Variants in NPC2 observed in about 807,000 individuals in gnomAD.
The protein encoded by NPC2 is Niemann-Pick disease type C2 protein.
Under a neutral mutation model 17.0 loss-of-function variants are expected in NPC2, and 14 were observed. That is an observed-to-expected ratio of 0.82 (90% CI 0.54 to 1.29). The LOEUF (loss-of-function observed/expected upper bound fraction) is 1.29, where lower values mean the gene tolerates loss of function less well. Among genes scored for constraint, NPC2 ranks in the 50% most tolerant of loss-of-function variants. The probability of loss-of-function intolerance (pLI) is 0.00; values close to 1 mark genes in which losing one functional copy is unlikely to be tolerated. For missense variants in NPC2, 167 were observed against 183.4 expected, an observed-to-expected ratio of 0.91 and a Z score of 0.52; for synonymous variants, 75 against 69.3, an observed-to-expected ratio of 1.08 and a Z score of -0.41.
In NPC2 at chr14:74,480,000, G is replaced by C. The variant is rs1412571378; in HGVS notation, c.*274C>G. The C allele has an allele frequency of 7.1e-7, 1 of 1,411,812 alleles. No homozygotes were observed. Among genetic ancestry groups the C allele is most frequent in the Non-Finnish European group, 9.2e-7 (1 of 1,083,884 alleles). The allele number at this position is 1,411,812 out of a possible 1,614,324, so 87.5% of individuals were successfully genotyped here. On this transcript the variant is annotated 3_prime_UTR_variant, in exon 5 of 5. Coordinates refer to ENST00000555619, the MANE Select transcript of NPC2 (RefSeq NM_006432.5). ...AAGAGTAAATTTCCAGGTGTAGAAAGAGGCCACAAGTTAATGTTGTTAAAA... is the reference window on the plus strand; with the variant it reads ...AAGAGTAAATTTCCAGGTGTAGAAACAGGCCACAAGTTAATGTTGTTAAAA...
chr14:74,482,991 C>A, intron 3 of NPC2: 1 of 774,050 alleles, frequency 1.3e-6, no homozygotes, highest in South Asian at 1.4e-5. Flanking sequence ...AGCTAGTGGT[C>A]CTTGGTTCAG....
intron 1 of NPC2, among the ~76,000 whole-genome samples, chr14:74,489,263 T>G (rs147874233): frequency 2.0e-5 from 3 of 152,204 alleles, no homozygotes; most frequent in Non-Finnish European, 4.4e-5. Flanking sequence ...TAGGTCTATA[T>G]AGCTGCTGGG....
rs1410533543 is a variant in NPC2, at chr14:74,480,151, T to C, written c.*123A>G. 2 of 1,601,760 alleles carry C rather than the reference T, an allele frequency of 1.2e-6. No homozygotes were observed. The highest frequency in any genetic ancestry group is 1.3e-5 in the African/African-American group (1 of 74,596). ...TCAGTTTCTGCTACAGAGCACCTCC[T>C]CTTCAACGAATCACTGGATACCATT... is the stretch of plus-strand genomic sequence containing the variant. On this transcript the variant is annotated 3_prime_UTR_variant, in exon 5 of 5. Transcript: ENST00000555619.
intron 1 of NPC2, among the ~76,000 whole-genome samples, chr14:74,487,263 G>GTT (rs1208707592): frequency 0.014 from 1,937 of 134,696 alleles, 158 homozygotes; most frequent in African/African-American, 0.051. Context: ...TTGTTTTTGT[G>GTT]GTTTTTTTTT....
chr14:74,493,170 C>A lies in NPC2; in HGVS notation c.82+23G>T, dbSNP rs746204183. 1.9e-5 allele frequency: 30 copies of A among 1,597,320 alleles called. No individual in the cohort carries two copies. The highest frequency in any genetic ancestry group is 1.9e-4 in the African/African-American group (14 of 74,778). Reference sequence around the variant, plus strand: ...GGGCCTTCCACAGAGGGCGCGGGAACCTTGGGCGGGCCTGGGGCTCACCGC... The same window carrying A: ...GGGCCTTCCACAGAGGGCGCGGGAAACTTGGGCGGGCCTGGGGCTCACCGC... On this transcript the variant is annotated intron_variant, in intron 1 of 4. Transcript: ENST00000555619. The surrounding 1 kb of genome is among the most constrained non-coding windows in gnomAD (Gnocchi z 4.1).
chr14:74,484,328 A>G (rs911884751), intron 3 of NPC2, 87 bp downstream of exon 3: 2 of 1,373,366 alleles, frequency 1.5e-6, no homozygotes, highest in Non-Finnish European at 2.1e-6. Context: ...GGGGCCCTTT[A>G]CCCCCATCTC....
intron 1 of NPC2, among the ~76,000 whole-genome samples, chr14:74,490,435 A>T (rs760912735): frequency 9.9e-5 from 15 of 152,056 alleles, no homozygotes; most frequent in Non-Finnish European, 1.9e-4. Context: ...ACTCTCTTCC[A>T]CTCCAACCCA....
In NPC2 at chr14:74,482,931, G is replaced by A. The variant is rs114797972; in HGVS notation, c.363+1484C>T. 3.5e-3 allele frequency: 1,813 copies of A among 510,968 alleles called. 35 individuals are homozygous for A. Among genetic ancestry groups the A allele is most frequent in the African/African-American group, 0.03 (1,576 of 51,822 alleles). The allele number at this position is 510,968 out of a possible 1,614,324, so 31.7% of individuals were successfully genotyped here. On this transcript the variant is annotated intron_variant, in intron 3 of 4. Transcript: ENST00000555619. ...GAGGAGGGAGGAGGAGGTGGAGGAGGTGCCAGACTGGGGGAATCATCAGTA... is the reference window on the plus strand; with the variant it reads ...GAGGAGGGAGGAGGAGGTGGAGGAGATGCCAGACTGGGGGAATCATCAGTA...
chr14:74,486,606 G>A (rs542693876), intron 1 of NPC2, among the ~76,000 whole-genome samples, 170 bp from the exon 2 acceptor site: 1 of 152,290 alleles, frequency 6.6e-6, no homozygotes, highest in East Asian at 1.9e-4. Context: ...TTAGAAGTCA[G>A]AATCTTGATT....
rs757377148 is a variant in NPC2 at position 74,484,445 on chromosome 14, A to C, written c.333T>G (p.Asn111Lys). 5.9e-5 allele frequency: 95 copies of C among 1,613,958 alleles called. No homozygotes were observed. Among genetic ancestry groups the C allele is most frequent in the Non-Finnish European group, 7.5e-5 (89 of 1,180,020 alleles). ...GATATTCGCTTTTCACTGGTAGTTT[A>C]TTCAGGTAGCTATAGGTCTTGTCTT... ...IQKDKTYSYLNKLPVKSEYPS... is the reference protein window; with the variant it reads ...IQKDKTYSYLKKLPVKSEYPS... Residue 111 changes from asparagine to lysine, a missense_variant, in exon 3 of 5, where the codon AAT becomes AAG. By Grantham distance (94) the Asn-to-Lys change is moderately conservative (BLOSUM62 0). Transcript: ENST00000555619.
At chr14:74,480,383 A>T in intron 4 of NPC2, 95 bp from the exon 5 acceptor site, 1 of 1,092,116 alleles carries the variant, frequency 9.2e-7, no homozygotes, top group Non-Finnish European at 1.4e-6. Context: ...AGACATTCCT[A>T]AGCAACCTCC....
intron 3 of NPC2, among the ~76,000 whole-genome samples, chr14:74,481,958 A>T (rs1235276072): frequency 1.3e-5 from 2 of 152,206 alleles, no homozygotes; most frequent in East Asian, 3.8e-4. Context: ...AGGTTCTTGA[A>T]ACTTGCCTTG....
chr14:74,480,270 G>A lies in NPC2; in HGVS notation c.*4C>T. ...GGCCAGATGCACCGAACTCAATGAGGCACTTAGAGATGAGAAACCTGTGGA... is the reference window on the plus strand; with the variant it reads ...GGCCAGATGCACCGAACTCAATGAGACACTTAGAGATGAGAAACCTGTGGA... On this transcript the variant is annotated 3_prime_UTR_variant, in exon 5 of 5. Coordinates refer to ENST00000555619, the MANE Select transcript of NPC2 (RefSeq NM_006432.5). The A allele has an allele frequency of 1.2e-6, 2 of 1,614,034 alleles. No individual in the cohort carries two copies. Among genetic ancestry groups the A allele is most frequent in the Non-Finnish European group, 1.7e-6 (2 of 1,179,962 alleles).
Position 74,480,301 on chromosome 14 carries a change from T to C in NPC2, c.442-13A>G. On this transcript the variant is annotated splice_polypyrimidine_tract_variant and intron_variant, in intron 4 of 4. Coordinates refer to ENST00000555619, the MANE Select transcript of NPC2 (RefSeq NM_006432.5). Reference sequence around the variant, plus strand: ...AGAGATGAGAAACCTGTGGATGTAATGTCCCAGCTCAGTGGAAGTGGTTTG... The same window carrying C: ...AGAGATGAGAAACCTGTGGATGTAACGTCCCAGCTCAGTGGAAGTGGTTTG... The C allele has an allele frequency of 6.2e-7, 1 of 1,609,432 alleles. No individual in the cohort carries two copies. The highest frequency in any genetic ancestry group is 8.5e-7 in the Non-Finnish European group (1 of 1,176,434).
At chr14:74,489,946 A>G (rs1317053876) in intron 1 of NPC2, among the ~76,000 whole-genome samples, 1 of 152,230 alleles carries the variant, frequency 6.6e-6, no homozygotes, top group African/African-American at 2.4e-5. Context: ...ACATATATTT[A>G]CTATTATTAT....
chr14:74,488,671 G>A (rs1046010604), intron 1 of NPC2, among the ~76,000 whole-genome samples: 3 of 152,178 alleles, frequency 2.0e-5, no homozygotes, highest in Admixed American at 1.3e-4. Flanking sequence ...CCGAGATTGC[G>A]CCACTGCACT....
intron 3 of NPC2, chr14:74,483,241 GAGGGAAC>G: frequency 1.0e-6 from 1 of 966,354 alleles, no homozygotes; most frequent in South Asian, 1.4e-5. Context: ...TACAGGACCT[GAGGGAAC>G]AGATTTTACT....
rs761445065 is a variant in NPC2, at chr14:74,480,121, G to A, written c.*153C>T. Reference sequence around the variant, plus strand: ...GACAACCACTGAGAACCAGCCACCCGGAGCTCAGTTTCTGCTACAGAGCAC... The same window carrying A: ...GACAACCACTGAGAACCAGCCACCCAGAGCTCAGTTTCTGCTACAGAGCAC... On this transcript the variant is annotated 3_prime_UTR_variant, in exon 5 of 5. Coordinates refer to ENST00000555619, the MANE Select transcript of NPC2 (RefSeq NM_006432.5). 145 of 1,563,834 alleles carry A rather than the reference G, an allele frequency of 9.3e-5. 1 individual carries two copies. Among genetic ancestry groups the A allele is most frequent in the South Asian group, 5.5e-4 (47 of 85,584 alleles).
chr14:74,487,587 A>T (rs2086727977), intron 1 of NPC2, among the ~76,000 whole-genome samples: 1 of 152,226 alleles, frequency 6.6e-6, no homozygotes, highest in Non-Finnish European at 1.5e-5. Flanking sequence ...CTTTATGCGG[A>T]AACAGCTAGA....
Sources: allele counts gnomAD v4.1 joint callset (sites outside exome capture counted in the v4.1 genomes callset), GRCh38; gene constraint gnomAD v4.1.1; non-coding constraint Gnocchi (gnomAD v3.1); transcripts MANE v1.5; gene names NCBI Gene and HGNC (gene_info 2026-07-23, HGNC 2026-07-21).